The following CDKAL1 variants were observed in gnomAD, a reference collection of about 807,000 sequenced individuals.
The protein encoded by CDKAL1 is threonylcarbamoyladenosine tRNA methylthiotransferase.
CDKAL1 carries 32 observed loss-of-function variants against 68.2 expected under a neutral mutation model. That is an observed-to-expected ratio of 0.47 (90% CI 0.35 to 0.63). The LOEUF is 0.63. Ranked by LOEUF, CDKAL1 falls within the 30% of genes least tolerant of loss-of-function variation. The pLI is 0.00. For synonymous variants in CDKAL1, 234 were observed against 244.3 expected (o/e 0.96, Z 0.39); for missense variants, 606 against 696.7 (o/e 0.87, Z 1.47).
intron 13 of CDKAL1, among the ~76,000 whole-genome samples, chr6:21,116,018 A>G (rs1335153565): frequency 6.6e-6 from 1 of 152,118 alleles, no homozygotes; most frequent in East Asian, 1.9e-4. Flanking sequence ...CATTTTTCTC[A>G]TTTTTAACCC....
At chr6:21,132,884 T>C (rs1241967888) in intron 13 of CDKAL1, among the ~76,000 whole-genome samples, 1 of 152,162 alleles carries the variant, frequency 6.6e-6, no homozygotes, top group Non-Finnish European at 1.5e-5. Flanking sequence ...ATTTTTTTTT[T>C]CAGAGGTTCT....
At chr6:20,993,252 G>C (rs1313235249) in intron 10 of CDKAL1, among the ~76,000 whole-genome samples, 1 of 151,840 alleles carries the variant, frequency 6.6e-6, no homozygotes, top group African/African-American at 2.4e-5. Flanking sequence ...AATTGTATAT[G>C]AATTATATTT....
intron 4 of CDKAL1, among the ~76,000 whole-genome samples, chr6:20,597,215 G>T (rs1765868561): frequency 6.6e-6 from 1 of 152,078 alleles, no homozygotes; most frequent in East Asian, 1.9e-4. Context: ...TGCAACCTCT[G>T]CCTCCTGAGT....
At chr6:20,838,424 C>A (rs1477522002) in intron 8 of CDKAL1, among the ~76,000 whole-genome samples, 1 of 152,056 alleles carries the variant, frequency 6.6e-6, no homozygotes, top group East Asian at 1.9e-4. Context: ...CTACTGCTGT[C>A]TTTGGAAAGT....
intron 4 of CDKAL1, among the ~76,000 whole-genome samples, chr6:20,584,271 C>A (rs2127692879): frequency 6.6e-6 from 1 of 152,104 alleles, no homozygotes; most frequent in African/African-American, 2.4e-5. Context: ...ACACAGGAGT[C>A]CGGTTTGATC....
intron 13 of CDKAL1, among the ~76,000 whole-genome samples, chr6:21,139,109 C>G (rs1396225043): frequency 1.3e-5 from 2 of 152,246 alleles, no homozygotes; most frequent in Non-Finnish European, 2.9e-5. Flanking sequence ...GTATTAGCTA[C>G]TAATTGTTGA....
intron 10 of CDKAL1, among the ~76,000 whole-genome samples, chr6:20,978,632 A>G (rs1765960948): frequency 6.6e-6 from 1 of 152,130 alleles, no homozygotes; most frequent in Non-Finnish European, 1.5e-5. Context: ...AGATTTTCAT[A>G]CTCTCTTTGG....
chr6:21,066,652 C>T (rs563054082), intron 12 of CDKAL1, among the ~76,000 whole-genome samples: 28 of 152,150 alleles, frequency 1.8e-4, no homozygotes, highest in African/African-American at 5.1e-4. Flanking sequence ...GACAGGGTAT[C>T]GCTCTGTTGC....
chr6:21,039,894 T>C (rs1471170681), intron 11 of CDKAL1, among the ~76,000 whole-genome samples: 1 of 152,252 alleles, frequency 6.6e-6, no homozygotes, highest in African/African-American at 2.4e-5. Context: ...TAATGTTGTA[T>C]GTGGAAGAGT....
chr6:20,653,615 C>T (rs1724113595), intron 5 of CDKAL1, among the ~76,000 whole-genome samples: 1 of 143,908 alleles, frequency 6.9e-6, no homozygotes, highest in African/African-American at 2.7e-5. Context: ...CCACACCCGG[C>T]TAATTTTTTT....
At chr6:20,942,361 A>G (rs968456000) in intron 9 of CDKAL1, among the ~76,000 whole-genome samples, 1 of 101,602 alleles carries the variant, frequency 9.8e-6, no homozygotes, top group Non-Finnish European at 1.9e-5. Flanking sequence ...AAATGTATAT[A>G]TATACTTTTT....
chr6:20,969,161 T>G (rs1258373389), intron 10 of CDKAL1, among the ~76,000 whole-genome samples: 3 of 152,106 alleles, frequency 2.0e-5, no homozygotes, highest in Non-Finnish European at 4.4e-5. Context: ...CTCAGTGCAG[T>G]CAAAAATCCA....
At chr6:21,036,456 T>G (rs1325784479) in intron 11 of CDKAL1, among the ~76,000 whole-genome samples, 1 of 152,098 alleles carries the variant, frequency 6.6e-6, no homozygotes, top group Admixed American at 6.6e-5. Context: ...TGACAAAAAT[T>G]TGTAGAAGCG....
At chr6:20,848,436 T>G (rs540150249) in intron 9 of CDKAL1, among the ~76,000 whole-genome samples, 47 of 152,300 alleles carry the variant, frequency 3.1e-4, no homozygotes, top group Non-Finnish European at 6.2e-4. Flanking sequence ...TGATTTATCT[T>G]TAGAAATGCC....
intron 8 of CDKAL1, among the ~76,000 whole-genome samples, chr6:20,794,643 T>C (rs756419107): frequency 6.6e-6 from 1 of 152,130 alleles, no homozygotes; most frequent in Non-Finnish European, 1.5e-5. Context: ...CTGTTAGAGC[T>C]AGAAAGGATT....
chr6:21,108,831 ATTC>A (rs1773981119), intron 13 of CDKAL1, among the ~76,000 whole-genome samples: 1 of 152,178 alleles, frequency 6.6e-6, no homozygotes, highest in Non-Finnish European at 1.5e-5. Flanking sequence ...GCAAAACTTG[ATTC>A]TTCATTCCTC....
At chr6:20,971,293 T>A (rs1765584864) in intron 10 of CDKAL1, among the ~76,000 whole-genome samples, 1 of 152,230 alleles carries the variant, frequency 6.6e-6, no homozygotes, top group African/African-American at 2.4e-5. Context: ...CTAAAGAAGC[T>A]TTGTTTTCTT....
intron 8 of CDKAL1, among the ~76,000 whole-genome samples, chr6:20,806,343 T>A (rs1277597815): frequency 6.6e-6 from 1 of 152,240 alleles, no homozygotes; most frequent in East Asian, 1.9e-4. Context: ...GGCTTTGTAG[T>A]ATTCCACATA....
chr6:20,850,869 A>G (rs1349634903), intron 9 of CDKAL1, among the ~76,000 whole-genome samples: 8 of 152,230 alleles, frequency 5.3e-5, no homozygotes, highest in African/African-American at 9.6e-5. Context: ...GCTTCCCACA[A>G]TACTAAAAAT....
Sources: gnomAD v4.1 joint callset for allele counts (sites outside exome capture counted in the v4.1 genomes callset) on GRCh38, gnomAD v4.1.1 for gene constraint, MANE v1.5 for transcripts, NCBI Gene and HGNC (gene_info 2026-07-23, HGNC 2026-07-21) for gene names.